The following CERS6 variants were observed in gnomAD, a reference collection of about 807,000 sequenced individuals.
CERS6 encodes LAG1 homolog, ceramide synthase 6.
Under a neutral mutation model 56.8 loss-of-function variants are expected in CERS6, and 26 were observed. That is an observed-to-expected ratio of 0.46 (90% CI 0.34 to 0.63). The LOEUF (loss-of-function observed/expected upper bound fraction) is 0.63, where lower values mean the gene tolerates loss of function less well. Ranked by LOEUF, CERS6 falls within the 30% of genes least tolerant of loss-of-function variation. The pLI, the probability that CERS6 is intolerant of heterozygous loss-of-function variation, is 0.01. For missense variants in CERS6, 415 were observed against 467.5 expected, an observed-to-expected ratio of 0.89 and a Z score of 1.04; for synonymous variants, 164 against 173.3, an observed-to-expected ratio of 0.95 and a Z score of 0.42.
intron 3 of CERS6, among the ~76,000 whole-genome samples, chr2:168,615,328 T>C (rs115459849): frequency 1.3e-5 from 2 of 151,402 alleles, no homozygotes; most frequent in African/African-American, 4.9e-5. Flanking sequence ...CCCCGAAAAA[T>C]CACACCAGCT....
intron 6 of CERS6, among the ~76,000 whole-genome samples, chr2:168,702,339 A>G (rs1686826389): frequency 6.6e-6 from 1 of 152,244 alleles, no homozygotes; most frequent in Non-Finnish European, 1.5e-5. Context: ...TACTTGAAAG[A>G]ATGATAAACT....
intron 1 of CERS6, among the ~76,000 whole-genome samples, chr2:168,547,025 C>A (rs184827836): frequency 6.6e-6 from 1 of 152,266 alleles, no homozygotes; most frequent in Non-Finnish European, 1.5e-5. Flanking sequence ...ACATCATGCC[C>A]TTCGACATCC....
At chr2:168,747,838 A>AACACAC (rs35177635) in intron 8 of CERS6, among the ~76,000 whole-genome samples, 134 of 150,046 alleles carry the variant, frequency 8.9e-4, no homozygotes, top group African/African-American at 2.4e-3. Flanking sequence ...CTCACACATA[A>AACACAC]ACACACACAC....
rs552316822 is a variant in CERS6, at chr2:168,479,921, T to C, written c.170+23303T>C. ...CGAATCCCGGCCTTAATACCTTTTC[T>C]GGTCTTTACTAGCGTGCCTGTCCTA... On this transcript the variant is annotated intron_variant, in intron 1 of 9. Coordinates refer to ENST00000305747, the MANE Select transcript of CERS6 (RefSeq NM_203463.3). 2.0e-5 allele frequency among the ~76,000 whole-genome samples: 3 copies of C among 152,316 alleles called. No homozygotes were observed. In the South Asian group the frequency reaches 6.2e-4, roughly 32 times the overall value.
chr2:168,616,095 C>T (rs907827770), intron 3 of CERS6, among the ~76,000 whole-genome samples: 8 of 152,146 alleles, frequency 5.3e-5, no homozygotes, highest in East Asian at 3.9e-4. Flanking sequence ...AATTATCAGC[C>T]GAAAGTTTTG....
chr2:168,555,848 A>T (rs1431055723), intron 2 of CERS6, among the ~76,000 whole-genome samples: 3 of 151,688 alleles, frequency 2.0e-5, no homozygotes, highest in Non-Finnish European at 4.4e-5. Context: ...TTTTTCATTA[A>T]CCCAAAGTGT....
intron 1 of CERS6, among the ~76,000 whole-genome samples, chr2:168,464,352 G>A (rs1490177975): frequency 6.6e-6 from 1 of 151,944 alleles, no homozygotes; most frequent in Non-Finnish European, 1.5e-5. Context: ...ATAGAGATGG[G>A]GTTTCACCAT....
At chr2:168,681,627 T>C (rs1246592925) in intron 4 of CERS6, among the ~76,000 whole-genome samples, 2 of 152,180 alleles carry the variant, frequency 1.3e-5, no homozygotes, top group African/African-American at 2.4e-5. Flanking sequence ...CATGTATTAT[T>C]TATTTGTGTT....
chr2:168,670,716 A>G (rs1028237482), intron 4 of CERS6, among the ~76,000 whole-genome samples: 3 of 152,098 alleles, frequency 2.0e-5, no homozygotes, highest in African/African-American at 7.2e-5. Flanking sequence ...TATGCTATCA[A>G]TATCATCTTC....
intron 3 of CERS6, among the ~76,000 whole-genome samples, chr2:168,615,543 A>G (rs922699262): frequency 2.6e-5 from 4 of 152,198 alleles, no homozygotes; most frequent in Non-Finnish European, 4.4e-5. Context: ...AACTTTAGGA[A>G]ATACTGGATG....
At chr2:168,668,469 CAG>C (rs1458361894) in intron 4 of CERS6, among the ~76,000 whole-genome samples, 1 of 132,988 alleles carries the variant, frequency 7.5e-6, no homozygotes, top group South Asian at 2.4e-4. Flanking sequence ...TTTCTGGAGA[CAG>C]AGTCTCATTC....
intron 3 of CERS6, among the ~76,000 whole-genome samples, chr2:168,584,941 C>T (rs1683506047): frequency 6.6e-6 from 1 of 152,218 alleles, no homozygotes; most frequent in Non-Finnish European, 1.5e-5. Context: ...TATGGCTGCA[C>T]TCATTGTCAA....
intron 3 of CERS6, among the ~76,000 whole-genome samples, chr2:168,630,733 G>A (rs75315056): frequency 0.017 from 2,632 of 152,200 alleles, 105 homozygotes; most frequent in East Asian, 0.16. Context: ...GAGAAGATGA[G>A]CAGTTGGGCA....
chr2:168,762,836 G>A (rs892301418), intron 8 of CERS6, among the ~76,000 whole-genome samples: 3 of 152,100 alleles, frequency 2.0e-5, no homozygotes, highest in Non-Finnish European at 2.9e-5. Context: ...CGGGGGTGGG[G>A]AAGAACCTAT....
At chr2:168,610,668 A>C (rs1051032384) in intron 3 of CERS6, among the ~76,000 whole-genome samples, 2 of 152,186 alleles carry the variant, frequency 1.3e-5, no homozygotes, top group African/African-American at 4.8e-5. Context: ...TATAGTTTAG[A>C]GTGTAAGAAG....
At chr2:168,717,827 T>TA (rs1301623017) in intron 7 of CERS6, 45 bp from the exon 8 acceptor site, 1 of 1,425,446 alleles carries the variant, frequency 7.0e-7, no homozygotes, top group Non-Finnish European at 9.8e-7. Context: ...AACTTTTTAT[T>TA]ATCAGTTTAA....
In CERS6 at chr2:168,695,003, GT is replaced by G; in HGVS notation, c.565del (p.Tyr189IlefsTer4). ...ACTACTATTACATCCTGGAGCTGTC[GT>G]TTTATTGGTCTTTGATGTTTTCTCA... ...LHYYYILELS[F>X]YWSLMFSQFT... is the part of the protein sequence containing the mutation. On this transcript the variant is annotated frameshift_variant, in exon 6 of 10. Transcript: ENST00000305747. LOFTEE classifies it high-confidence loss of function. 1 of 1,613,440 alleles carries G rather than the reference GT, an allele frequency of 6.2e-7. No individual in the cohort carries two copies. Among genetic ancestry groups the G allele is most frequent in the Non-Finnish European group, 8.5e-7 (1 of 1,179,632 alleles).
chr2:168,533,329 G>C (rs1695201068), intron 1 of CERS6, among the ~76,000 whole-genome samples: 1 of 143,272 alleles, frequency 7.0e-6, no homozygotes, highest in Non-Finnish European at 1.6e-5. Flanking sequence ...GATTGGAATA[G>C]TTTGGAATAG....
intron 2 of CERS6, among the ~76,000 whole-genome samples, chr2:168,551,400 G>A (rs1248456947): frequency 6.6e-6 from 1 of 152,078 alleles, no homozygotes; most frequent in African/African-American, 2.4e-5. Flanking sequence ...AGTTACACCT[G>A]GATATTTGTG....
Sources: allele counts gnomAD v4.1 joint callset (sites outside exome capture counted in the v4.1 genomes callset), GRCh38; gene constraint gnomAD v4.1.1; transcripts MANE v1.5; gene names NCBI Gene and HGNC (gene_info 2026-07-23, HGNC 2026-07-21).